Variants in IL1RAPL2 observed in about 807,000 individuals in gnomAD.
The protein encoded by IL1RAPL2 is X-linked interleukin-1 receptor accessory protein-like 2.
Under a neutral mutation model 44.1 loss-of-function variants are expected in IL1RAPL2, and 3 were observed. The ratio of observed to expected loss-of-function variants is 0.07; its 90% CI spans 0.03 to 0.18. The LOEUF (loss-of-function observed/expected upper bound fraction) is 0.18, where lower values mean the gene tolerates loss of function less well. Among genes scored for constraint, IL1RAPL2 ranks in the 10% least tolerant of loss-of-function variants. The pLI is 1.00. For missense variants in IL1RAPL2, 391 were observed against 496.4 expected, an observed-to-expected ratio of 0.79 and a Z score of 2.02; for synonymous variants, 181 against 178.8, an observed-to-expected ratio of 1.01 and a Z score of -0.10.
chrX:104,603,187 G>A (rs1928923329), intron 1 of IL1RAPL2, among the ~76,000 whole-genome samples: 1 of 111,388 alleles, frequency 9.0e-6, no homozygotes, highest in Non-Finnish European at 1.9e-5. Context: ...CAGGAAAACA[G>A]GATTGGGAGT....
At chrX:105,558,364 A>G (rs1030613369) in intron 6 of IL1RAPL2, among the ~76,000 whole-genome samples, 2 of 111,814 alleles carry the variant, frequency 1.8e-5, no homozygotes, top group African/African-American at 6.5e-5. Context: ...GCAATATACT[A>G]GAAGTGCCCC....
At chrX:105,559,866 A>T (rs2036921643) in intron 6 of IL1RAPL2, among the ~76,000 whole-genome samples, 1 of 111,423 alleles carries the variant, frequency 9.0e-6, no homozygotes, top group African/African-American at 3.3e-5. Context: ...GCATTTTGTC[A>T]CCTGGGCACT....
At chrX:105,389,337 A>G (rs1294490267) in intron 5 of IL1RAPL2, among the ~76,000 whole-genome samples, 1 of 111,593 alleles carries the variant, frequency 9.0e-6, no homozygotes, top group African/African-American at 3.3e-5. Flanking sequence ...TGGTCTCCTC[A>G]CTCTCTTCTA....
intron 2 of IL1RAPL2, among the ~76,000 whole-genome samples, chrX:104,987,803 A>G (rs951493570): frequency 1.8e-5 from 2 of 111,531 alleles, no homozygotes; most frequent in Non-Finnish European, 3.8e-5. Flanking sequence ...TATGATGTGC[A>G]TATGTGCTTC....
At chrX:105,723,683 G>C (rs1475921362) in intron 7 of IL1RAPL2, among the ~76,000 whole-genome samples, 1 of 111,413 alleles carries the variant, frequency 9.0e-6, no homozygotes, top group Non-Finnish European at 1.9e-5. Flanking sequence ...AGATCAATGT[G>C]CTGGCAGATT....
chrX:105,058,691 T>C (rs1009351691), intron 2 of IL1RAPL2, among the ~76,000 whole-genome samples: 2 of 111,963 alleles, frequency 1.8e-5, no homozygotes, highest in Admixed American at 9.5e-5. Context: ...ACAGACTTTT[T>C]TCCTTTTCTC....
At chrX:105,178,816 C>A (rs2033501022) in intron 2 of IL1RAPL2, among the ~76,000 whole-genome samples, 1 of 111,285 alleles carries the variant, frequency 9.0e-6, no homozygotes, top group Admixed American at 9.6e-5. Flanking sequence ...CTATTTGTGT[C>A]TTTTGCCCAC....
At chrX:105,185,902 G>A (rs1289381744) in intron 2 of IL1RAPL2, among the ~76,000 whole-genome samples, 1 of 111,699 alleles carries the variant, frequency 9.0e-6, no homozygotes, top group Non-Finnish European at 1.9e-5. Context: ...AGAATTTATG[G>A]ATTCAGCACT....
At chrX:104,734,417 G>A (rs902390696) in intron 2 of IL1RAPL2, among the ~76,000 whole-genome samples, 1 of 112,548 alleles carries the variant, frequency 8.9e-6, no homozygotes, top group African/African-American at 3.2e-5. Context: ...ACAGATGAAT[G>A]GATAAAACAT....
At chrX:105,644,450 G>A (rs1314536189) in intron 6 of IL1RAPL2, among the ~76,000 whole-genome samples, 1 of 110,850 alleles carries the variant, frequency 9.0e-6, no homozygotes, top group East Asian at 2.9e-4. Context: ...GCAAGCCACA[G>A]CAACCTCATT....
At chrX:104,665,668 T>C (rs761823961) in intron 2 of IL1RAPL2, among the ~76,000 whole-genome samples, 21 of 111,493 alleles carry the variant, frequency 1.9e-4, no homozygotes, top group Middle Eastern at 4.7e-3. Context: ...TCCAACCTGA[T>C]GTTACTTCAC....
chrX:104,972,983 C>T (rs2030264680), intron 2 of IL1RAPL2, among the ~76,000 whole-genome samples: 1 of 111,929 alleles, frequency 8.9e-6, no homozygotes, highest in Non-Finnish European at 1.9e-5. Flanking sequence ...GATAGTTGTA[C>T]TCAAGTAGTT....
rs1930061496 is a variant in IL1RAPL2 at position 104,647,364 on chromosome X, A to C, written c.-19-11531A>C. On this transcript the variant is annotated intron_variant, in intron 1 of 10. Transcript: ENST00000372582. Reference sequence around the variant, plus strand: ...GCTTCCATGGAGTCACCCTCAGCAGAGATGATGGCTGCTATTTTCTGCTGC... The same window carrying C: ...GCTTCCATGGAGTCACCCTCAGCAGCGATGATGGCTGCTATTTTCTGCTGC... The C allele has an allele frequency of 7.7e-6, 4 of 518,523 alleles. No individual in the cohort carries two copies. The Admixed American group carries it at 9.4e-5, about 12-fold the overall frequency. 42.7% of individuals were successfully genotyped at this position (518,523 alleles called of 1,213,427 possible).
intron 6 of IL1RAPL2, among the ~76,000 whole-genome samples, chrX:105,597,356 T>G (rs1453046349): frequency 9.0e-6 from 1 of 111,691 alleles, no homozygotes; most frequent in East Asian, 2.8e-4. Context: ...TTTCTCGCAT[T>G]GCTGTAAAGA....
chrX:104,888,775 A>G (rs947764567), intron 2 of IL1RAPL2, among the ~76,000 whole-genome samples: 2 of 110,132 alleles, frequency 1.8e-5, no homozygotes, highest in African/African-American at 6.7e-5. Flanking sequence ...GTTATGAAGG[A>G]AAAGACCCTT....
intron 7 of IL1RAPL2, among the ~76,000 whole-genome samples, chrX:105,727,882 G>GTAAT (rs1202998901): frequency 9.0e-6 from 1 of 111,258 alleles, no homozygotes; most frequent in African/African-American, 3.3e-5. Context: ...CACACACACT[G>GTAAT]TAATTTTTAG....
At chrX:104,895,865 T>A (rs770033208) in intron 2 of IL1RAPL2, among the ~76,000 whole-genome samples, 37 of 111,781 alleles carry the variant, frequency 3.3e-4, no homozygotes, top group Non-Finnish European at 6.0e-4. Flanking sequence ...ATCACCTGTC[T>A]TCTGCGTCAC....
chrX:105,396,036 A>G (rs2035560443), intron 5 of IL1RAPL2, among the ~76,000 whole-genome samples: 1 of 111,630 alleles, frequency 9.0e-6, no homozygotes, highest in South Asian at 3.7e-4. Context: ...ACCTAGTAGA[A>G]TATGCATTTT....
chrX:104,948,587 G>A (rs1369092090), intron 2 of IL1RAPL2, among the ~76,000 whole-genome samples: 21 of 109,986 alleles, frequency 1.9e-4, no homozygotes, highest in African/African-American at 6.0e-4. Flanking sequence ...TTTGAAATAC[G>A]TCCCATCAAT....
Sources: allele counts gnomAD v4.1 joint callset (sites outside exome capture counted in the v4.1 genomes callset), GRCh38; gene constraint gnomAD v4.1.1; transcripts MANE v1.5; gene names NCBI Gene and HGNC (gene_info 2026-07-23, HGNC 2026-07-21).